CBL: variants seen among roughly 807,000 people sequenced by gnomAD.
CBL encodes E3 ubiquitin-protein ligase CBL.
A neutral mutation model predicts 96.9 loss-of-function variants in CBL; 45 were observed. That is an observed-to-expected ratio of 0.46 (90% CI 0.37 to 0.60). The LOEUF is 0.60. Ranked by LOEUF, CBL falls within the 20% of genes least tolerant of loss-of-function variation. CBL has a pLI of 0.00. For synonymous variants in CBL, 420 were observed against 426.8 expected, an observed-to-expected ratio of 0.98 and a Z score of 0.20; for missense variants, 1,024 against 1,143.5, an observed-to-expected ratio of 0.90 and a Z score of 1.51.
chr11:119,257,073 TTAGG>T (rs1338296656), intron 2 of CBL, among the ~76,000 whole-genome samples: 2 of 152,244 alleles, frequency 1.3e-5, no homozygotes, highest in African/African-American at 2.4e-5. Flanking sequence ...TTATTTTCCT[TTAGG>T]TAGATACCCA....
chr11:119,298,920 G>A (rs1431714345), intron 15 of CBL, among the ~76,000 whole-genome samples: 1 of 152,204 alleles, frequency 6.6e-6, no homozygotes, highest in Non-Finnish European at 1.5e-5. Flanking sequence ...GAATGGGCCT[G>A]GAGCCAGCCC....
chr11:119,273,917 C>G lies in CBL; in HGVS notation c.640C>G (p.Pro214Ala). Residue 214 changes from proline to alanine, a missense_variant, in exon 4 of 16, where the codon CCC (proline) becomes GCC (alanine). Pro to Ala is a conservative substitution (Grantham distance 27). Transcript: ENST00000264033. ...SFRQALHEVHPISSGLEAMAL... is the reference protein window; with the variant it reads ...SFRQALHEVHAISSGLEAMAL... ...TCGACAGGCTCTACATGAAGTGCAT[C>G]CCATCAGTTCTGGGCTGGAGGCCAT... The G allele has an allele frequency of 2.5e-6, 4 of 1,613,912 alleles. No individual in the cohort carries two copies. Among genetic ancestry groups the G allele is most frequent in the Non-Finnish European group, 3.4e-6 (4 of 1,179,782 alleles).
At chr11:119,292,352 C>T (rs903706950) in intron 12 of CBL, among the ~76,000 whole-genome samples, 3 of 151,598 alleles carry the variant, frequency 2.0e-5, no homozygotes, top group Non-Finnish European at 2.9e-5. Flanking sequence ...ACTATGTCTC[C>T]GAGAGCTCTT....
At chr11:119,287,808 T>C (rs1949995288) in intron 11 of CBL, 44 bp from the exon 12 acceptor site, 6 of 1,197,582 alleles carry the variant, frequency 5.0e-6, no homozygotes, top group Non-Finnish European at 7.5e-6. Flanking sequence ...GAGGCTCAGC[T>C]GTGGTAAGAA....
intron 2 of CBL, among the ~76,000 whole-genome samples, chr11:119,239,616 A>G (rs549281205): frequency 8.5e-5 from 13 of 152,196 alleles, no homozygotes; most frequent in South Asian, 2.1e-4. Context: ...ATTCTTGGCT[A>G]TGTTGAATAG....
intron 9 of CBL, among the ~76,000 whole-genome samples, chr11:119,283,917 G>A (rs1448400840): frequency 6.6e-6 from 1 of 151,984 alleles, no homozygotes; most frequent in Non-Finnish European, 1.5e-5. Context: ...GATTACAGGC[G>A]TGAGCCACCA....
At position 119,300,879 on chromosome 11, in the gene CBL, T is replaced by C. The variant is rs760115650; in HGVS notation, c.*1098T>C. 3.1e-5 allele frequency: 9 copies of C among 289,848 alleles called. No individual in the cohort carries two copies. Among genetic ancestry groups the C allele is most frequent in the African/African-American group, 6.4e-5 (3 of 46,962 alleles). The allele number at this position is 289,848 out of a possible 1,614,324, so 18.0% of individuals were successfully genotyped here. On this transcript the variant is annotated 3_prime_UTR_variant, in exon 16 of 16. Transcript: ENST00000264033. ...AAGCTTCGTTCACATGCTATTTAAATGCACAAAATAGACAGTAAGGATTTA... is the reference window on the plus strand; with the variant it reads ...AAGCTTCGTTCACATGCTATTTAAACGCACAAAATAGACAGTAAGGATTTA...
At chr11:119,272,494 A>G (rs550032340) in intron 3 of CBL, among the ~76,000 whole-genome samples, 1 of 152,372 alleles carries the variant, frequency 6.6e-6, no homozygotes, top group South Asian at 2.1e-4. Context: ...AGTTGTCTTC[A>G]TATGCAAGAA....
At chr11:119,294,080 GAGA>G (rs1157030858) in intron 12 of CBL, among the ~76,000 whole-genome samples, 1 of 152,216 alleles carries the variant, frequency 6.6e-6, no homozygotes, top group Non-Finnish European at 1.5e-5. Context: ...CATGCTTTGT[GAGA>G]AGGAGGTTCA....
intron 2 of CBL, among the ~76,000 whole-genome samples, chr11:119,244,334 A>G (rs1949608362): frequency 6.6e-6 from 1 of 152,206 alleles, no homozygotes; most frequent in South Asian, 2.1e-4. Flanking sequence ...AAACCTGATA[A>G]TCAGATCATC....
At position 119,271,869 on chromosome 11, in the gene CBL, C is replaced by A; in HGVS notation, c.578C>A (p.Ala193Asp). Residue 193 changes from alanine (A) to aspartate (D), a missense_variant, in exon 3 of 16, where the codon GCT (alanine) becomes GAT (aspartate). By Grantham distance (126) the Ala-to-Asp change is moderately radical (BLOSUM62 -2). Transcript: ENST00000264033. The stretch of plus-strand genomic sequence containing the variant: ...GATGCTGCGGAATTTTGGAGAAAAG[C>A]TTTTGGGGAAAAGTAAGTCTCAGAA... ...KADAAEFWRK[A>D]FGEKTIVPWK... 1 of 1,613,864 alleles carries A rather than the reference C, an allele frequency of 6.2e-7. No homozygotes were observed. Among genetic ancestry groups the A allele is most frequent in the Non-Finnish European group, 8.5e-7 (1 of 1,179,886 alleles).
In CBL at chr11:119,276,209, A is replaced by G. The variant is rs1218658565; in HGVS notation, c.1007+75A>G. 4.2e-6 allele frequency: 6 copies of G among 1,441,334 alleles called. No individual in the cohort carries two copies. In the East Asian group the frequency reaches 1.1e-4, roughly 27 times the overall value. 89.3% of individuals were successfully genotyped at this position (1,441,334 alleles called of 1,614,324 possible). A position where few individuals can be genotyped will look rare whatever the true frequency, so the allele number is the denominator to read the frequency against. The stretch of plus-strand genomic sequence containing the variant: ...GTCCAACCTCATCATTAATGACTTT[A>G]TTCCAGGTTTCTTAAACTGCAGACT... On this transcript the variant is annotated intron_variant, in intron 6 of 15. Transcript: ENST00000264033.
intron 2 of CBL, among the ~76,000 whole-genome samples, chr11:119,250,963 A>G (rs1949665819): frequency 6.6e-6 from 1 of 152,218 alleles, no homozygotes; most frequent in Admixed American, 6.5e-5. Flanking sequence ...AAATAAAAAA[A>G]TATTTTAAAT....
intron 12 of CBL, among the ~76,000 whole-genome samples, chr11:119,288,777 T>C (rs1475290338): frequency 6.6e-6 from 1 of 152,104 alleles, no homozygotes; most frequent in Non-Finnish European, 1.5e-5. Flanking sequence ...TGAGCCAAAC[T>C]TGGTTGCAGT....
intron 1 of CBL, among the ~76,000 whole-genome samples, chr11:119,212,964 C>G (rs1002606939): frequency 7.6e-6 from 1 of 132,044 alleles, no homozygotes; most frequent in Non-Finnish European, 1.6e-5. Context: ...CAGAGCAAAA[C>G]TCCGTCTCAA....
intron 2 of CBL, among the ~76,000 whole-genome samples, chr11:119,254,772 T>C (rs1270560074): frequency 1.3e-5 from 2 of 152,134 alleles, no homozygotes; most frequent in Non-Finnish European, 2.9e-5. Context: ...CAGCTAATTT[T>C]TGTATTTTTA....
intron 1 of CBL, among the ~76,000 whole-genome samples, chr11:119,220,555 C>T (rs532254262): frequency 6.6e-6 from 1 of 152,152 alleles, no homozygotes; most frequent in South Asian, 2.1e-4. Context: ...GCTGTGATGA[C>T]GCCACTGCAC....
intron 12 of CBL, among the ~76,000 whole-genome samples, chr11:119,291,548 G>C (rs575170051): frequency 6.6e-6 from 1 of 152,180 alleles, no homozygotes; most frequent in African/African-American, 2.4e-5. Context: ...CTATGAAAAA[G>C]ATACAGAAAT....
At chr11:119,212,602 G>T (rs1379922913) in intron 1 of CBL, among the ~76,000 whole-genome samples, 1 of 151,452 alleles carries the variant, frequency 6.6e-6, no homozygotes, top group Non-Finnish European at 1.5e-5. Context: ...TGCCAGCCTG[G>T]GCAAGAAGAG....
Sources: allele counts gnomAD v4.1 joint callset (sites outside exome capture counted in the v4.1 genomes callset), GRCh38; gene constraint gnomAD v4.1.1; transcripts MANE v1.5; gene names NCBI Gene and HGNC (gene_info 2026-07-23, HGNC 2026-07-21).